The following NDST3 variants were observed in gnomAD, a reference collection of about 807,000 sequenced individuals.
The protein encoded by NDST3 is bifunctional heparan sulfate N-deacetylase/N-sulfotransferase 3.
In NDST3, 58 loss-of-function variants were observed where a neutral mutation model predicts 96.1. That is an observed-to-expected ratio of 0.60 (90% CI 0.49 to 0.75). The LOEUF (loss-of-function observed/expected upper bound fraction) is 0.75, where lower values mean the gene tolerates loss of function less well. Among genes scored for constraint, NDST3 ranks in the 30% least tolerant of loss-of-function variants. NDST3 has a pLI of 0.00. For synonymous variants in NDST3, 333 were observed against 359.7 expected, an observed-to-expected ratio of 0.93 and a Z score of 0.84; for missense variants, 788 against 1,034.2, an observed-to-expected ratio of 0.76 and a Z score of 3.27.
At chr4:118,245,013 T>C (rs939834559) in intron 12 of NDST3, among the ~76,000 whole-genome samples, 5 of 152,208 alleles carry the variant, frequency 3.3e-5, no homozygotes, top group Admixed American at 3.3e-4. Flanking sequence ...TTGTTCCACA[T>C]ACCCTTAATC....
At chr4:118,058,898 G>A (rs755574402) in intron 2 of NDST3, among the ~76,000 whole-genome samples, 22 of 152,170 alleles carry the variant, frequency 1.4e-4, no homozygotes, top group Middle Eastern at 3.4e-3. Flanking sequence ...CACTCTTGTT[G>A]TAAGATCCAT....
At chr4:118,121,513 G>A (rs1322740797) in intron 4 of NDST3, among the ~76,000 whole-genome samples, 7 of 152,018 alleles carry the variant, frequency 4.6e-5, no homozygotes, top group African/African-American at 1.5e-4. Context: ...GACAAGCAGG[G>A]GAAAATTGGA....
At chr4:118,116,181 G>A (rs541326113) in intron 4 of NDST3, among the ~76,000 whole-genome samples, 135 of 152,268 alleles carry the variant, frequency 8.9e-4, no homozygotes, top group Non-Finnish European at 1.6e-3. Flanking sequence ...GTCATTTTCA[G>A]AAATCTAGAC....
chr4:118,173,161 T>C (rs980790661), intron 6 of NDST3, among the ~76,000 whole-genome samples: 1 of 151,862 alleles, frequency 6.6e-6, no homozygotes, highest in East Asian at 1.9e-4. Context: ...TGTGTATATA[T>C]ATATATGATA....
At chr4:118,154,770 C>A (rs776836548) in intron 6 of NDST3, among the ~76,000 whole-genome samples, 3 of 152,176 alleles carry the variant, frequency 2.0e-5, no homozygotes, top group Non-Finnish European at 4.4e-5. Context: ...CTTCCTGACT[C>A]TCAGTTCACC....
chr4:118,123,635 A>G (rs935159851), intron 4 of NDST3, among the ~76,000 whole-genome samples: 9 of 152,274 alleles, frequency 5.9e-5, no homozygotes, highest in Non-Finnish European at 8.8e-5. Flanking sequence ...TGGGCTGTGC[A>G]AAGTACAAGT....
Position 118,258,084 on chromosome 4 carries a change from T to G in NDST3, c.*2372T>G, listed in dbSNP as rs1742220985. Reference sequence around the variant, plus strand: ...GCTAAGCAAAGCTGCTAATGGCCTATTTTGTTTAGGTAAATCGAGTTGACT... The same window carrying G: ...GCTAAGCAAAGCTGCTAATGGCCTAGTTTGTTTAGGTAAATCGAGTTGACT... On this transcript the variant is annotated 3_prime_UTR_variant, in exon 14 of 14. Transcript: ENST00000296499. 1 of 152,222 alleles carries G rather than the reference T, an allele frequency of 6.6e-6. No homozygotes were observed. Among genetic ancestry groups the G allele is most frequent in the African/African-American group, 2.4e-5 (1 of 41,464 alleles). 9.4% of individuals were successfully genotyped at this position (152,222 alleles called of 1,614,324 possible).
At chr4:118,158,530 C>A (rs1044966561) in intron 6 of NDST3, among the ~76,000 whole-genome samples, 3 of 152,102 alleles carry the variant, frequency 2.0e-5, no homozygotes, top group Admixed American at 2.0e-4. Context: ...TGATGGAATT[C>A]AAAGATCATC....
chr4:118,109,430 T>C (rs1730463717), intron 3 of NDST3, among the ~76,000 whole-genome samples: 1 of 152,196 alleles, frequency 6.6e-6, no homozygotes, highest in African/African-American at 2.4e-5. Flanking sequence ...CGTTGAATAC[T>C]GGGGAATGAT....
intron 5 of NDST3, among the ~76,000 whole-genome samples, chr4:118,138,455 T>A (rs1404856461): frequency 6.6e-6 from 1 of 152,222 alleles, no homozygotes; most frequent in Non-Finnish European, 1.5e-5. Context: ...TTACTGACAT[T>A]ACCACTGGTA....
chr4:118,141,443 C>G (rs1398496765), intron 5 of NDST3, among the ~76,000 whole-genome samples: 1 of 152,182 alleles, frequency 6.6e-6, no homozygotes, highest in African/African-American at 2.4e-5. Context: ...CGCTAGGGCT[C>G]TCTATGGGGT....
chr4:118,200,676 C>T (rs2125978875), intron 6 of NDST3, among the ~76,000 whole-genome samples: 1 of 152,094 alleles, frequency 6.6e-6, no homozygotes, highest in South Asian at 2.1e-4. Flanking sequence ...TTTTTATTTG[C>T]CTTTTATAAG....
chr4:118,136,469 T>C (rs1733100915), intron 4 of NDST3, among the ~76,000 whole-genome samples: 1 of 150,818 alleles, frequency 6.6e-6, no homozygotes, highest in Non-Finnish European at 1.5e-5. Flanking sequence ...GGGAAAAAAT[T>C]AGTTTAGTTT....
intron 1 of NDST3, among the ~76,000 whole-genome samples, chr4:118,045,827 G>C (rs1724731535): frequency 6.6e-6 from 1 of 152,028 alleles, no homozygotes; most frequent in Non-Finnish European, 1.5e-5. Context: ...GTACCAGCTA[G>C]CTTTTAGCCT....
chr4:118,239,870 T>C (rs773219680), intron 10 of NDST3, among the ~76,000 whole-genome samples: 1 of 149,232 alleles, frequency 6.7e-6, no homozygotes, highest in Non-Finnish European at 1.5e-5. Flanking sequence ...CTCAAACCCA[T>C]GGGCCTAAGC....
Position 118,225,069 on chromosome 4 carries a change from G to A in NDST3, c.1722+396G>A, listed in dbSNP as rs935561471. 2.6e-5 allele frequency among the ~76,000 whole-genome samples: 4 copies of A among 152,168 alleles called. No individual in the cohort carries two copies. In the East Asian group the frequency reaches 7.7e-4, roughly 29 times the overall value. Reference sequence around the variant, plus strand: ...CTAAACCATATTAAAGGATCTCTGAGAAGAGTTCAGAACTGACATCTGCCT... The same window carrying A: ...CTAAACCATATTAAAGGATCTCTGAAAAGAGTTCAGAACTGACATCTGCCT... On this transcript the variant is annotated intron_variant, in intron 7 of 13. Coordinates refer to ENST00000296499, the MANE Select transcript of NDST3 (RefSeq NM_004784.3).
At chr4:118,153,803 G>A (rs963917168) in intron 6 of NDST3, among the ~76,000 whole-genome samples, 13 of 152,010 alleles carry the variant, frequency 8.6e-5, no homozygotes, top group African/African-American at 2.2e-4. Flanking sequence ...CAGCCTGGGC[G>A]ACAGAGAGAG....
chr4:118,102,249 C>T (rs186988177), intron 2 of NDST3, among the ~76,000 whole-genome samples: 401 of 152,070 alleles, frequency 2.6e-3, no homozygotes, highest in Non-Finnish European at 4.0e-3. Context: ...ACAAAAGTCC[C>T]ATTTTTCAAT....
chr4:118,044,908 T>C (rs1369123831), intron 1 of NDST3, among the ~76,000 whole-genome samples: 2 of 152,098 alleles, frequency 1.3e-5, no homozygotes, highest in Non-Finnish European at 2.9e-5. Flanking sequence ...ATTTATCTAT[T>C]CATGAGGGCA....
Sources: allele counts gnomAD v4.1 joint callset (sites outside exome capture counted in the v4.1 genomes callset), GRCh38; gene constraint gnomAD v4.1.1; transcripts MANE v1.5; gene names NCBI Gene and HGNC (gene_info 2026-07-23, HGNC 2026-07-21).